The following FNIP1 variants were observed in gnomAD, a reference collection of about 807,000 sequenced individuals.
FNIP1 encodes folliculin interacting protein 1.
In FNIP1, 40 loss-of-function variants were observed where a neutral mutation model predicts 124.5. That is an observed-to-expected ratio of 0.32 (90% CI 0.25 to 0.42). The LOEUF (loss-of-function observed/expected upper bound fraction) is 0.42. Ranked by LOEUF, FNIP1 falls within the 10% of genes least tolerant of loss-of-function variation. The pLI is 1.00. For synonymous variants in FNIP1, 472 were observed against 470.6 expected (o/e 1.00, Z -0.04); for missense variants, 1,176 against 1,403.7 (o/e 0.84, Z 2.59).
intron 6 of FNIP1, among the ~76,000 whole-genome samples, chr5:131,712,492 C>T (rs1580776849): frequency 6.6e-6 from 1 of 152,106 alleles, no homozygotes; most frequent in East Asian, 1.9e-4. Context: ...TTTCTTGATA[C>T]ACTTCAACGA....
chr5:131,773,182 G>A lies in FNIP1; in HGVS notation c.92+23648C>T, dbSNP rs139398248. On this transcript the variant is annotated intron_variant, in intron 1 of 17. Coordinates refer to ENST00000510461, the MANE Select transcript of FNIP1 (RefSeq NM_133372.3). Reference sequence around the variant, plus strand: ...CTCAATGCTACCTCTTCTAACAGAAGTAATCTCCCATATATACCCCCAAAT... The same window carrying A: ...CTCAATGCTACCTCTTCTAACAGAAATAATCTCCCATATATACCCCCAAAT... Among the ~76,000 whole-genome samples the A allele has an allele frequency of 4.4e-3, 674 of 152,238 alleles. 12 individuals are homozygous for A. Among genetic ancestry groups the A allele is most frequent in the African/African-American group, 0.016 (655 of 41,530 alleles).
intron 1 of FNIP1, among the ~76,000 whole-genome samples, chr5:131,778,799 T>C (rs1295774822): frequency 3.0e-5 from 4 of 133,492 alleles, no homozygotes; most frequent in Non-Finnish European, 6.3e-5. Flanking sequence ...ATATACACCA[T>C]GGAATACTAT....
In FNIP1 at chr5:131,710,600, G is replaced by C. The variant is rs376272771; in HGVS notation, c.684C>G (p.Ile228Met). The C allele has an allele frequency of 5.2e-5, 84 of 1,613,720 alleles. No individual in the cohort carries two copies. Among genetic ancestry groups the C allele is most frequent in the Non-Finnish European group, 6.7e-5 (79 of 1,179,904 alleles). The change falls in exon 7 of 18, where the codon ATC becomes ATG. Residue 228 changes from isoleucine (I) to methionine (M), a missense_variant. Ile to Met is a conservative substitution (Grantham distance 10, BLOSUM62 1). Transcript: ENST00000510461. ...AFSEQGPLRL[I>M]RSASFFAVHS... ...AACCTGCAAAGAAAGAGGCGCTCCT[G>C]ATCAGGCGGAGCGGACCCTGCTCAG...
intron 9 of FNIP1, among the ~76,000 whole-genome samples, chr5:131,705,143 CAA>C (rs753642721): frequency 2.6e-5 from 4 of 151,696 alleles, no homozygotes; most frequent in Non-Finnish European, 4.4e-5. Context: ...GACATTTCTC[CAA>C]AAAAGATATA....
chr5:131,693,002 T>C (rs1441346372), intron 11 of FNIP1, among the ~76,000 whole-genome samples: 2 of 149,774 alleles, frequency 1.3e-5, no homozygotes, highest in Non-Finnish European at 1.5e-5. Flanking sequence ...AGTGAGACTG[T>C]CTAAAAAAAA....
intron 14 of FNIP1, 144 bp downstream of exon 14, chr5:131,671,361 C>A: frequency 1.4e-6 from 1 of 704,444 alleles, no homozygotes; most frequent in Non-Finnish European, 2.3e-6. Context: ...AGCCTTTACT[C>A]CTTCTTATGA....
Position 131,653,609 on chromosome 5 carries a change from G to A in FNIP1, c.3109-1610C>T, listed in dbSNP as rs143719831. Reference sequence around the variant, plus strand: ...TTCAGATCTACATCTAAATGAAAGTGTATAGAAAAAAGAAAGAAAATACTC... The same window carrying A: ...TTCAGATCTACATCTAAATGAAAGTATATAGAAAAAAGAAAGAAAATACTC... On this transcript the variant is annotated intron_variant, in intron 15 of 17. Coordinates refer to ENST00000510461, the MANE Select transcript of FNIP1 (RefSeq NM_133372.3). Among the ~76,000 whole-genome samples the A allele has an allele frequency of 3.2e-3, 488 of 152,084 alleles. 3 individuals are homozygous for A. The highest frequency in any genetic ancestry group is 0.011 in the African/African-American group (464 of 41,514).
At chr5:131,651,498 T>G (rs1767037888) in intron 16 of FNIP1, among the ~76,000 whole-genome samples, 1 of 152,250 alleles carries the variant, frequency 6.6e-6, no homozygotes, top group Admixed American at 6.5e-5. Context: ...GCTCTCTTCC[T>G]GCTGGCAGAC....
chr5:131,656,991 T>A (rs952249373), intron 15 of FNIP1, among the ~76,000 whole-genome samples: 14 of 149,078 alleles, frequency 9.4e-5, no homozygotes, highest in African/African-American at 3.4e-4. Context: ...AAACAAAAAC[T>A]CTTTTTCTGG....
At chr5:131,781,088 G>A (rs1040445564) in intron 1 of FNIP1, among the ~76,000 whole-genome samples, 1 of 152,216 alleles carries the variant, frequency 6.6e-6, no homozygotes, top group Non-Finnish European at 1.5e-5. Context: ...AATATGAATG[G>A]TCTGGATGGA....
chr5:131,763,958 G>C (rs1304766839), intron 1 of FNIP1, among the ~76,000 whole-genome samples: 1 of 152,118 alleles, frequency 6.6e-6, no homozygotes, highest in East Asian at 1.9e-4. Context: ...ATGGAGCCTG[G>C]AGGGAGGTGA....
intron 6 of FNIP1, among the ~76,000 whole-genome samples, chr5:131,714,379 T>C (rs544961658): frequency 1.3e-5 from 2 of 152,266 alleles, no homozygotes; most frequent in South Asian, 4.1e-4. Context: ...TCATTTCCCC[T>C]AATACAATTG....
chr5:131,727,906 G>T (rs1405546382), intron 3 of FNIP1, among the ~76,000 whole-genome samples: 1 of 152,114 alleles, frequency 6.6e-6, no homozygotes, highest in East Asian at 1.9e-4. Flanking sequence ...TGCTTCTCTG[G>T]AAAGGATTTC....
At chr5:131,718,943 C>T (rs1166404397) in intron 5 of FNIP1, 43 bp downstream of exon 5, 4 of 1,529,434 alleles carry the variant, frequency 2.6e-6, no homozygotes, top group Non-Finnish European at 3.6e-6. Flanking sequence ...ATACTTTGCA[C>T]ATCTAAAGTG....
chr5:131,796,436 G>C (rs1037400724), intron 1 of FNIP1: 1 of 212,950 alleles, frequency 4.7e-6, no homozygotes, highest in Non-Finnish European at 9.5e-6. Context: ...CGGGGAGGAG[G>C]GGAGAACTTC....
At chr5:131,657,602 T>C (rs1369011259) in intron 15 of FNIP1, among the ~76,000 whole-genome samples, 1 of 151,918 alleles carries the variant, frequency 6.6e-6, no homozygotes, top group Non-Finnish European at 1.5e-5. Context: ...GCCATTGCTG[T>C]TACAGAAAAA....
chr5:131,777,707 A>G (rs1453979171), intron 1 of FNIP1, among the ~76,000 whole-genome samples: 2 of 152,250 alleles, frequency 1.3e-5, no homozygotes, highest in Admixed American at 1.3e-4. Flanking sequence ...CTTATTTCAG[A>G]AGAAATGCAA....
rs555036468 is a variant in FNIP1 at position 131,717,030 on chromosome 5, C to T, written c.531-374G>A. 5.3e-5 allele frequency among the ~76,000 whole-genome samples: 8 copies of T among 151,868 alleles called. No homozygotes were observed. In the South Asian group the frequency reaches 1.7e-3, roughly 32 times the overall value. Reference sequence around the variant, plus strand: ...TATTTTAAGTTTTAGGGTACATGTGCACAATGTGCAGGTTTGTTACATATG... The same window carrying T: ...TATTTTAAGTTTTAGGGTACATGTGTACAATGTGCAGGTTTGTTACATATG... On this transcript the variant is annotated intron_variant, in intron 5 of 17. Coordinates refer to ENST00000510461, the MANE Select transcript of FNIP1 (RefSeq NM_133372.3).
chr5:131,704,239 T>C lies in FNIP1; in HGVS notation c.942A>G (p.Ser314=). The change falls in exon 10 of 18, where the codon TCA becomes TCG. Residue 314 remains serine, a synonymous_variant. Transcript: ENST00000510461. The part of the protein sequence containing the change: ...RWSIEESFNL[S]DESCGPNPGI... ...CTGGGTTAGGGCCACAGCTTTCATC[T>C]GAGAGATTAAAGCTTTCTTCTATAG... 1.2e-6 allele frequency: 2 copies of C among 1,612,658 alleles called. No individual in the cohort carries two copies. The highest frequency in any genetic ancestry group is 1.7e-6 in the Non-Finnish European group (2 of 1,179,236).
Sources: allele counts gnomAD v4.1 joint callset (sites outside exome capture counted in the v4.1 genomes callset), GRCh38; gene constraint gnomAD v4.1.1; transcripts MANE v1.5; gene names NCBI Gene and HGNC (gene_info 2026-07-23, HGNC 2026-07-21).